The following GLUL variants were observed in gnomAD, a reference collection of about 807,000 sequenced individuals.
The protein encoded by GLUL is glutamate-ammonia ligase.
Under a neutral mutation model 36.9 loss-of-function variants are expected in GLUL, and 8 were observed. The ratio of observed to expected loss-of-function variants is 0.22; its 90% CI spans 0.13 to 0.39. The LOEUF (loss-of-function observed/expected upper bound fraction) is 0.39, where lower values mean the gene tolerates loss of function less well. Among genes scored for constraint, GLUL ranks in the 10% least tolerant of loss-of-function variants. GLUL has a pLI of 1.00. For missense variants in GLUL, 315 were observed against 501.8 expected, an observed-to-expected ratio of 0.63 and a Z score of 3.56; for synonymous variants, 182 against 172.8, an observed-to-expected ratio of 1.05 and a Z score of -0.42.
chr1:182,386,074 C>A, intron 4 of GLUL, 182 bp downstream of exon 4: 1 of 862,250 alleles, frequency 1.2e-6, no homozygotes, highest in Non-Finnish European at 2.0e-6. Flanking sequence ...CCAAACGTTC[C>A]CCCTAAAACC....
At chr1:182,390,229 CA>C (rs201924233) in intron 1 of GLUL, 5,159 of 263,184 alleles carry the variant, frequency 0.02, no homozygotes, top group Non-Finnish European at 0.024. Context: ...TGTCGGAAAA[CA>C]AAAAAAAAAA....
At chr1:182,391,358 AG>A in intron 1 of GLUL, 1 of 397,862 alleles carries the variant, frequency 2.5e-6, no homozygotes, top group African/African-American at 2.1e-5. Flanking sequence ...CCCAGGGCGC[AG>A]GCCGGCCCAA....
intron 1 of GLUL, chr1:182,388,958 T>C (rs1650296426): frequency 1.9e-6 from 1 of 538,136 alleles, no homozygotes; most frequent in Non-Finnish European, 3.4e-6. Context: ...TATAATAGGC[T>C]GTAAAACTGA....
At chr1:182,391,360 G>T (rs1462198435) in intron 1 of GLUL, 2 of 397,948 alleles carry the variant, frequency 5.0e-6, no homozygotes, top group East Asian at 7.1e-5. Flanking sequence ...CAGGGCGCAG[G>T]CCGGCCCAAC....
chr1:182,391,708 C>G lies in GLUL; in HGVS notation c.-43G>C, dbSNP rs912901. Reference sequence around the variant, plus strand: ...TCGCCGAGCAGGCGGGCGGGTAAAGCTAGGCCGCGAGAGCGAGGTTAGGAG... The same window carrying G: ...TCGCCGAGCAGGCGGGCGGGTAAAGGTAGGCCGCGAGAGCGAGGTTAGGAG... On this transcript the variant is annotated 5_prime_UTR_variant, in exon 1 of 7. Transcript: ENST00000331872. The G allele has an allele frequency of 0.84, 129,239 of 153,614 alleles. 54,650 individuals carry two copies. Among genetic ancestry groups the G allele is most frequent in the African/African-American group, 0.94 (39,199 of 41,652 alleles). 9.5% of individuals were successfully genotyped at this position (153,614 alleles called of 1,614,324 possible). A position where few individuals can be genotyped will look rare whatever the true frequency, so the allele number is the denominator to read the frequency against.
chr1:182,385,701 CA>C, intron 5 of GLUL, 58 bp downstream of exon 5: 3 of 1,605,482 alleles, frequency 1.9e-6, no homozygotes, highest in South Asian at 1.1e-5. Flanking sequence ...CCCTTACTAG[CA>C]AAAGTCCTAT....
rs1650058949 is a variant in GLUL, at chr1:182,384,123, T to C, written c.*282A>G. 1 of 430,038 alleles carries C rather than the reference T, an allele frequency of 2.3e-6. No homozygotes were observed. The highest frequency in any genetic ancestry group is 3.5e-5 in the Admixed American group (1 of 28,576). 26.6% of individuals were successfully genotyped at this position (430,038 alleles called of 1,614,324 possible). A position where few individuals can be genotyped will look rare whatever the true frequency, so the allele number is the denominator to read the frequency against. On this transcript the variant is annotated 3_prime_UTR_variant, in exon 7 of 7. Coordinates refer to ENST00000331872, the MANE Select transcript of GLUL (RefSeq NM_001033044.4). ...ACGCCTATTGGACAGGTGCACCCCA[T>C]TAAATGGAAGCAGTGGTTATGTCTC...
chr1:182,384,142 A>G lies in GLUL; in HGVS notation c.*263T>C. 2.2e-6 allele frequency: 1 copy of G among 460,892 alleles called. No individual in the cohort carries two copies. Among genetic ancestry groups the G allele is most frequent in the Non-Finnish European group, 4.0e-6 (1 of 250,750 alleles). The allele number at this position is 460,892 out of a possible 1,614,324, so 28.6% of individuals were successfully genotyped here. A position where few individuals can be genotyped will look rare whatever the true frequency, so the allele number is the denominator to read the frequency against. ...ACCCCATTAAATGGAAGCAGTGGTT[A>G]TGTCTCCCCACCCTCCTCCCCACTA... On this transcript the variant is annotated 3_prime_UTR_variant, in exon 7 of 7. Transcript: ENST00000331872.
Position 182,388,655 on chromosome 1 carries a change from G to A in GLUL, c.83C>T (p.Ala28Val), listed in dbSNP as rs1650278520. ...MSLPQGEKVQ[A>V]MYIWIDGTGE... ...AGTACCATCGATCCAGATATACATG[G>A]CCTGGACTTTCTCACCCTGAGGCAG... The change falls in exon 2 of 7, where the codon GCC (alanine) becomes GTC (valine). Residue 28 changes from alanine (A) to valine (V), a missense_variant. Physicochemically the swap from Ala to Val is moderately conservative, Grantham distance 64 (BLOSUM62 0). This residue lies in a region of GLUL where 256 missense variants were observed against 396.1 expected (regional missense o/e 0.65). Coordinates refer to ENST00000331872, the MANE Select transcript of GLUL (RefSeq NM_001033044.4). The A allele has an allele frequency of 6.2e-7, 1 of 1,612,910 alleles. No homozygotes were observed. The highest frequency in any genetic ancestry group is 8.5e-7 in the Non-Finnish European group (1 of 1,178,864).
At chr1:182,388,930 G>A (rs1650295287) in intron 1 of GLUL, 180 bp from the exon 2 acceptor site, 2 of 616,848 alleles carry the variant, frequency 3.2e-6, no homozygotes, top group Non-Finnish European at 5.9e-6. Context: ...TAGTTTTATA[G>A]TAGGCAAAAA....
rs1435441256 is a variant in GLUL, at chr1:182,382,295, T to A, written c.*2110A>T. On this transcript the variant is annotated 3_prime_UTR_variant, in exon 7 of 7. Coordinates refer to ENST00000331872, the MANE Select transcript of GLUL (RefSeq NM_001033044.4). ...AAGGTAGGAATTGGCCAAGATAAGG[T>A]GGAAGAACTCCCAGATACACGGACC... is the stretch of plus-strand genomic sequence containing the variant. The A allele has an allele frequency of 6.6e-6, 1 of 152,230 alleles. No individual in the cohort carries two copies. The highest frequency in any genetic ancestry group is 1.5e-5 in the Non-Finnish European group (1 of 68,118). The allele number at this position is 152,230 out of a possible 1,614,324, so 9.4% of individuals were successfully genotyped here.
Position 182,385,756 on chromosome 1 carries a change from T to C in GLUL, c.603+4A>G. Reference sequence around the variant, plus strand: ...CTTCATTGATGGATTGGAGCTATACTTACCTGGGCAGGCATGACCTCGGCA... The same window carrying C: ...CTTCATTGATGGATTGGAGCTATACCTACCTGGGCAGGCATGACCTCGGCA... On this transcript the variant is annotated splice_donor_region_variant and intron_variant, in intron 5 of 6. Transcript: ENST00000331872. 1 of 1,614,116 alleles carries C rather than the reference T, an allele frequency of 6.2e-7. No individual in the cohort carries two copies. The highest frequency in any genetic ancestry group is 8.5e-7 in the Non-Finnish European group (1 of 1,180,010).
At chr1:182,384,932 C>T in intron 6 of GLUL, 1 of 606,146 alleles carries the variant, frequency 1.6e-6, no homozygotes, top group Non-Finnish European at 2.9e-6. Flanking sequence ...TTGAAACTTT[C>T]TCCCCCTCAT....
intron 3 of GLUL, 72 bp downstream of exon 3, chr1:182,387,058 AG>A: frequency 1.7e-6 from 2 of 1,186,828 alleles, no homozygotes; most frequent in Non-Finnish European, 2.5e-6. Context: ...TGCTGATTTC[AG>A]AATGTCTTCT....
intron 2 of GLUL, 21 bp downstream of exon 2, chr1:182,388,551 C>T: frequency 4.3e-6 from 7 of 1,609,762 alleles, no homozygotes; most frequent in Non-Finnish European, 6.0e-6. Context: ...GCATGTGCTC[C>T]ACTCCACATT....
rs1181104087 is a variant in GLUL, at chr1:182,379,764, G to A, written c.*4641C>T. ...TTGCCCAGGCTAGTCTCGAACTTCT[G>A]AGCTCAAGTGATCTACCTGCCTCGG... On this transcript the variant is annotated 3_prime_UTR_variant, in exon 7 of 7. Transcript: ENST00000331872. Among the ~76,000 whole-genome samples, 1 of 151,594 alleles carries A rather than the reference G, an allele frequency of 6.6e-6. No homozygotes were observed. Among genetic ancestry groups the A allele is most frequent in the Non-Finnish European group, 1.5e-5 (1 of 67,970 alleles).
At chr1:182,389,952 G>C (rs1018127306) in intron 1 of GLUL, 1 of 152,290 alleles carries the variant, frequency 6.6e-6, no homozygotes, top group Non-Finnish European at 1.5e-5. Flanking sequence ...CTCCATCCCA[G>C]AACCCTTTAG....
intron 5 of GLUL, 25 bp downstream of exon 5, chr1:182,385,735 A>G: frequency 6.2e-7 from 1 of 1,613,750 alleles, no homozygotes; most frequent in Non-Finnish European, 8.5e-7. Flanking sequence ...ACCCTTCTTC[A>G]TTGATGGATT....
rs1280680420 is a variant in GLUL at position 182,383,003 on chromosome 1, A to G, written c.*1402T>C. ...CTGTACATGGCAATTAGAAGTTGTC[A>G]TGGCAAAAGAAAACCACAGCTGGCC... is the stretch of plus-strand genomic sequence containing the variant. On this transcript the variant is annotated 3_prime_UTR_variant, in exon 7 of 7. Transcript: ENST00000331872. The G allele has an allele frequency of 6.6e-6, 1 of 152,210 alleles. No individual in the cohort carries two copies. Among genetic ancestry groups the G allele is most frequent in the African/African-American group, 2.4e-5 (1 of 41,454 alleles). 9.4% of individuals were successfully genotyped at this position (152,210 alleles called of 1,614,324 possible). A position where few individuals can be genotyped will look rare whatever the true frequency, so the allele number is the denominator to read the frequency against.
Sources: gnomAD v4.1 joint callset for allele counts (sites outside exome capture counted in the v4.1 genomes callset) on GRCh38, gnomAD v4.1.1 for gene constraint, gnomAD v4.1.1 regional missense constraint, MANE v1.5 for transcripts, NCBI Gene and HGNC (gene_info 2026-07-23, HGNC 2026-07-21) for gene names.